Variants in PCDHGA3 observed in about 807,000 individuals in gnomAD.
PCDHGA3 encodes the protein protocadherin gamma-A3.
In PCDHGA3, 40 loss-of-function variants were observed where a neutral mutation model predicts 58.5. That is an observed-to-expected ratio of 0.68 (90% CI 0.53 to 0.89). PCDHGA3 has a LOEUF of 0.89. Among genes scored for constraint, PCDHGA3 ranks in the 40% least tolerant of loss-of-function variants. PCDHGA3 has a pLI of 0.00. For missense variants in PCDHGA3, 1,223 were observed against 1,195.9 expected (o/e 1.02, Z -0.33); for synonymous variants, 530 against 525.7 (o/e 1.01, Z -0.11).
At chr5:141,508,499 C>T (rs1425054102) in intron 3 of PCDHGA3, among the ~76,000 whole-genome samples, 7 of 152,212 alleles carry the variant, frequency 4.6e-5, no homozygotes, top group Non-Finnish European at 1.0e-4. Flanking sequence ...CATATCTTCT[C>T]TCCCTCCTGG....
chr5:141,366,628 T>A, intron 1 of PCDHGA3: 1 of 1,614,132 alleles, frequency 6.2e-7, no homozygotes, highest in Admixed American at 1.7e-5. Flanking sequence ...CGAGGAAGAG[T>A]CACCTGATCT....
At chr5:141,393,124 T>C in intron 1 of PCDHGA3, 2 of 1,613,430 alleles carry the variant, frequency 1.2e-6, no homozygotes. Flanking sequence ...CGGTGTCTGA[T>C]AAATATTAAC....
chr5:141,376,609 C>A, intron 1 of PCDHGA3: 3 of 1,478,318 alleles, frequency 2.0e-6, no homozygotes, highest in Non-Finnish European at 2.8e-6. Flanking sequence ...AGAAGCGAAC[C>A]TCTTTTGGTA....
At chr5:141,397,699 C>A (rs1304915257) in intron 1 of PCDHGA3, among the ~76,000 whole-genome samples, 1 of 152,158 alleles carries the variant, frequency 6.6e-6, no homozygotes, top group Non-Finnish European at 1.5e-5. Flanking sequence ...AAAAACCCAA[C>A]GTGATATTTC....
chr5:141,410,976 C>G (rs750121743), intron 1 of PCDHGA3: 28 of 178,158 alleles, frequency 1.6e-4, no homozygotes, highest in Non-Finnish European at 2.6e-4. Context: ...GCCTCAGCCT[C>G]CCAAGTAGCT....
chr5:141,409,275 A>G (rs1266955919), intron 1 of PCDHGA3: 1 of 1,614,020 alleles, frequency 6.2e-7, no homozygotes, highest in South Asian at 1.1e-5. Flanking sequence ...CAGATTTTGG[A>G]GAATTCACCT....
chr5:141,462,552 T>A (rs966816379), intron 1 of PCDHGA3, among the ~76,000 whole-genome samples: 1 of 152,194 alleles, frequency 6.6e-6, no homozygotes, highest in Non-Finnish European at 1.5e-5. Context: ...TCTTCTTCAG[T>A]GTTTACTGTA....
At chr5:141,430,586 C>G in intron 1 of PCDHGA3, 1 of 517,248 alleles carries the variant, frequency 1.9e-6, no homozygotes, top group Non-Finnish European at 3.1e-6. Context: ...TCCTGCTCGC[C>G]TTGCACGCGC....
intron 1 of PCDHGA3, chr5:141,409,423 T>G: frequency 6.2e-7 from 1 of 1,614,026 alleles, no homozygotes; most frequent in Non-Finnish European, 8.5e-7. Context: ...TGGTGACAGA[T>G]GGAGCCCTGG....
chr5:141,408,060 T>G (rs2095034623), intron 1 of PCDHGA3: 1 of 1,324,738 alleles, frequency 7.5e-7, no homozygotes, highest in Admixed American at 2.9e-5. Flanking sequence ...GCCTCCCGGC[T>G]GCGCAGACCT....
At chr5:141,352,188 G>C (rs752131601) in intron 1 of PCDHGA3, 3 of 1,613,754 alleles carry the variant, frequency 1.9e-6, no homozygotes, top group Middle Eastern at 1.6e-4. Context: ...GTCGCTGTGC[G>C]TGATGGAGGA....
At position 141,431,604 on chromosome 5, in the gene PCDHGA3, G is replaced by A; in HGVS notation, c.2425-63203G>A. On this transcript the variant is annotated intron_variant, in intron 1 of 3. Coordinates refer to ENST00000253812, the MANE Select transcript of PCDHGA3 (RefSeq NM_018916.4). The surrounding 1 kb of genome is among the most constrained non-coding windows in gnomAD (Gnocchi z 4.8). ...AATGCGGAAGTGAGGTATTCCTTCCGGTATGTGGACGACAAGGCGGCCCAA... is the reference window on the plus strand; with the variant it reads ...AATGCGGAAGTGAGGTATTCCTTCCAGTATGTGGACGACAAGGCGGCCCAA... 8 of 1,614,206 alleles carry A rather than the reference G, an allele frequency of 5.0e-6. No individual in the cohort carries two copies. Among genetic ancestry groups the A allele is most frequent in the Non-Finnish European group, 6.8e-6 (8 of 1,180,046 alleles).
chr5:141,413,880 T>G, intron 1 of PCDHGA3: 1 of 1,613,420 alleles, frequency 6.2e-7, no homozygotes, highest in Non-Finnish European at 8.5e-7. Flanking sequence ...TCAGTGTGAC[T>G]GTCTTCGATG....
In PCDHGA3 at chr5:141,423,130, G is replaced by T. The variant is rs770258338; in HGVS notation, c.2425-71677G>T. The T allele has an allele frequency of 2.5e-6, 4 of 1,613,700 alleles. No homozygotes were observed. Among genetic ancestry groups the T allele is most frequent in the Non-Finnish European group, 2.5e-6 (3 of 1,179,952 alleles). ...GGTGCGTACAGCGCGGGCACTGCTG[G>T]ACAGAGACGCGCTCAAGCAGAGCCT... On this transcript the variant is annotated intron_variant, in intron 1 of 3. Coordinates refer to ENST00000253812, the MANE Select transcript of PCDHGA3 (RefSeq NM_018916.4).
rs1223541930 is a variant in PCDHGA3 at position 141,345,170 on chromosome 5, T to A, written c.1137T>A (p.Asn379Lys). 2.5e-6 allele frequency: 4 copies of A among 1,614,000 alleles called. No homozygotes were observed. The Admixed American group carries it at 6.7e-5, about 27-fold the overall frequency. Residue 379 changes from asparagine to lysine, a missense_variant, in exon 1 of 4, where the codon AAT becomes AAA. This residue lies in a region of PCDHGA3 where 791 missense variants were observed against 708.5 expected (regional missense o/e 1.12). Coordinates refer to ENST00000253812, the MANE Select transcript of PCDHGA3 (RefSeq NM_018916.4). ...TGCATGACCGAGATTCTGGGCAGAATGGGCAGGTTGAAGTTTTTGTCCTGG... is the reference window on the plus strand; with the variant it reads ...TGCATGACCGAGATTCTGGGCAGAAAGGGCAGGTTGAAGTTTTTGTCCTGG... Reference protein sequence around the residue: ...IDVHDRDSGQNGQVEVFVLGN... With the variant: ...IDVHDRDSGQKGQVEVFVLGN...
intron 1 of PCDHGA3, among the ~76,000 whole-genome samples, chr5:141,460,365 A>G (rs887924740): frequency 6.6e-6 from 1 of 152,180 alleles, no homozygotes; most frequent in African/African-American, 2.4e-5. Context: ...TAGAAGTTTT[A>G]TAGTTTTACC....
chr5:141,492,146 C>T (rs979485619), intron 1 of PCDHGA3, among the ~76,000 whole-genome samples: 3 of 152,242 alleles, frequency 2.0e-5, no homozygotes, highest in African/African-American at 4.8e-5. Flanking sequence ...TGTGACTTCA[C>T]TGTTACCCTC....
At chr5:141,461,302 T>A (rs1009664719) in intron 1 of PCDHGA3, among the ~76,000 whole-genome samples, 3 of 152,142 alleles carry the variant, frequency 2.0e-5, no homozygotes. Flanking sequence ...CAACATCTAT[T>A]GTTTTTTGAC....
intron 1 of PCDHGA3, among the ~76,000 whole-genome samples, chr5:141,455,860 ATTATTTATTTAT>A (rs145569377): frequency 0.023 from 3,231 of 139,812 alleles, 82 homozygotes; most frequent in African/African-American, 0.066. Context: ...AATTTCTTTT[ATTATTTATTTAT>A]TTATTTATTT....
Sources: allele counts gnomAD v4.1 joint callset (sites outside exome capture counted in the v4.1 genomes callset), GRCh38; gene constraint gnomAD v4.1.1; regional missense constraint gnomAD v4.1.1; non-coding constraint Gnocchi (gnomAD v3.1); transcripts MANE v1.5; gene names NCBI Gene and HGNC (gene_info 2026-07-23, HGNC 2026-07-21).